Variants in DEPTOR observed in about 807,000 individuals in gnomAD.
The protein encoded by DEPTOR is DEP domain containing MTOR interacting protein, also known as DEP domain-containing mTOR-interacting protein.
DEPTOR carries 41 observed loss-of-function variants against 41.6 expected under a neutral mutation model. The ratio of observed to expected loss-of-function variants is 0.98; its 90% confidence interval spans 0.77 to 1.28. The LOEUF (loss-of-function observed/expected upper bound fraction) is 1.28. Ranked by LOEUF, DEPTOR falls within the 50% of genes most tolerant of loss-of-function variation. DEPTOR has a pLI of 0.00. For missense variants in DEPTOR, 514 were observed against 527.9 expected (o/e 0.97, Z 0.26); for synonymous variants, 195 against 192.3 (o/e 1.01, Z -0.12).
intron 1 of DEPTOR, among the ~76,000 whole-genome samples, chr8:119,898,553 G>C (rs998327695): frequency 6.6e-6 from 1 of 151,756 alleles, no homozygotes; most frequent in Non-Finnish European, 1.5e-5. Context: ...ATGAGACCCC[G>C]CTTCTCCCAA....
chr8:119,978,787 T>C lies in DEPTOR; in HGVS notation c.604+13377T>C, dbSNP rs1174268994. Among the ~76,000 whole-genome samples the C allele has an allele frequency of 2.0e-5, 3 of 152,204 alleles. No homozygotes were observed. In the East Asian group the frequency reaches 5.8e-4, roughly 29 times the overall value. On this transcript the variant is annotated intron_variant, in intron 4 of 8. Transcript: ENST00000286234. Reference sequence around the variant, plus strand: ...CTGCTGTCACTCATGATTCTTCCTCTAAAAGTTTTTCCACTAGCTGCTTCT... The same window carrying C: ...CTGCTGTCACTCATGATTCTTCCTCCAAAAGTTTTTCCACTAGCTGCTTCT...
At chr8:119,963,860 A>G (rs1424117777) in intron 3 of DEPTOR, among the ~76,000 whole-genome samples, 1 of 152,218 alleles carries the variant, frequency 6.6e-6, no homozygotes, top group Non-Finnish European at 1.5e-5. Context: ...AGAGTCACCT[A>G]TGTAGTCGTC....
At chr8:119,927,771 G>T (rs1180892815) in intron 1 of DEPTOR, among the ~76,000 whole-genome samples, 1 of 151,524 alleles carries the variant, frequency 6.6e-6, no homozygotes. Flanking sequence ...ACCACACCTG[G>T]CTAATTTTTG....
chr8:119,951,860 T>C (rs77625220), intron 3 of DEPTOR, among the ~76,000 whole-genome samples: 9,046 of 152,082 alleles, frequency 0.059, 421 homozygotes, highest in African/African-American at 0.13. Context: ...AAATTCAAGC[T>C]GAGTGTGGTG....
At chr8:120,021,835 T>A (rs998504362) in intron 8 of DEPTOR, among the ~76,000 whole-genome samples, 10 of 152,130 alleles carry the variant, frequency 6.6e-5, no homozygotes, top group Non-Finnish European at 1.5e-4. Flanking sequence ...TCTACTATAT[T>A]TCATCAAATA....
chr8:119,991,076 TTCTTTCTTTCTTTTTCTTTCTTTC>T (rs1472250662), intron 4 of DEPTOR, among the ~76,000 whole-genome samples: 9 of 75,602 alleles, frequency 1.2e-4, no homozygotes, highest in African/African-American at 4.3e-4. Context: ...CTTTCTTTCT[TTCTTTCTTTCTTTTTCTTTCTTTC>T]TTTCTTTCTT....
Position 120,049,822 on chromosome 8 carries a change from C to A in DEPTOR, c.*118C>A. 1 of 1,309,916 alleles carries A rather than the reference C, an allele frequency of 7.6e-7. No individual in the cohort carries two copies. The highest frequency in any genetic ancestry group is 1.0e-6 in the Non-Finnish European group (1 of 961,184). 81.1% of individuals were successfully genotyped at this position (1,309,916 alleles called of 1,614,324 possible). ...ATGGTTTTGGACATACGAGTCTTCT[C>A]CGCACATACATGTCTAAAGTTGAGT... On this transcript the variant is annotated 3_prime_UTR_variant, in exon 9 of 9. Transcript: ENST00000286234.
chr8:119,900,404 T>TG (rs1827575526), intron 1 of DEPTOR, among the ~76,000 whole-genome samples: 2 of 134,658 alleles, frequency 1.5e-5, no homozygotes, highest in South Asian at 4.8e-4. Context: ...TTTTTTTTTT[T>TG]GGGAGACAGG....
At chr8:120,016,032 G>A (rs2130122516) in intron 8 of DEPTOR, among the ~76,000 whole-genome samples, 1 of 152,238 alleles carries the variant, frequency 6.6e-6, no homozygotes, top group African/African-American at 2.4e-5. Context: ...GCATATTAAA[G>A]GTTGCTGGCC....
At chr8:119,975,583 G>A (rs1411008431) in intron 4 of DEPTOR, among the ~76,000 whole-genome samples, 1 of 152,088 alleles carries the variant, frequency 6.6e-6, no homozygotes, top group Non-Finnish European at 1.5e-5. Flanking sequence ...AGAAATCAAA[G>A]GTGGAGATAA....
At chr8:120,017,825 A>C (rs1378227800) in intron 8 of DEPTOR, among the ~76,000 whole-genome samples, 1 of 152,148 alleles carries the variant, frequency 6.6e-6, no homozygotes. Flanking sequence ...TCAAGTTTTC[A>C]TGCTACCCTG....
intron 1 of DEPTOR, among the ~76,000 whole-genome samples, chr8:119,915,757 G>A (rs1317650335): frequency 6.6e-6 from 1 of 152,110 alleles, no homozygotes; most frequent in Non-Finnish European, 1.5e-5. Flanking sequence ...TACCATAGAA[G>A]AGATGAGGTT....
chr8:120,022,199 C>A, intron 8 of DEPTOR, among the ~76,000 whole-genome samples: 1 of 141,636 alleles, frequency 7.1e-6, no homozygotes, highest in East Asian at 2.0e-4. Flanking sequence ...TTGTAAGATA[C>A]GCTTTGATTT....
chr8:119,944,843 A>G (rs1160640822), intron 3 of DEPTOR, among the ~76,000 whole-genome samples: 2 of 151,970 alleles, frequency 1.3e-5, no homozygotes, highest in Admixed American at 1.3e-4. Context: ...TTTAGTAGAG[A>G]CAGGGTTTAA....
chr8:120,021,838 A>G (rs747913964), intron 8 of DEPTOR, among the ~76,000 whole-genome samples: 1 of 152,198 alleles, frequency 6.6e-6, no homozygotes, highest in Non-Finnish European at 1.5e-5. Flanking sequence ...ACTATATTTC[A>G]TCAAATACAA....
Position 119,928,512 on chromosome 8 carries a change from G to T in DEPTOR, c.235G>T (p.Ala79Ser). Residue 79 changes from alanine to serine, a missense_variant, in exon 2 of 9, where the codon GCT becomes TCT. Physicochemically the swap from Ala to Ser is moderately conservative, Grantham distance 99. Transcript: ENST00000286234. ...TGACTGGCTGATTGAACACAAAGAG[G>T]CTTCTGACAGAGAGACGGCAATTAA... ...LIDWLIEHKE[A>S]SDRETAIKLM... 6.2e-7 allele frequency: 1 copy of T among 1,614,174 alleles called. No homozygotes were observed. The highest frequency in any genetic ancestry group is 8.5e-7 in the Non-Finnish European group (1 of 1,180,022).
At chr8:119,993,768 A>ATT (rs554849570) in intron 4 of DEPTOR, among the ~76,000 whole-genome samples, 1 of 147,104 alleles carries the variant, frequency 6.8e-6, no homozygotes, top group African/African-American at 2.5e-5. Flanking sequence ...CATATCATGG[A>ATT]TTTTTTTTTT....
intron 1 of DEPTOR, among the ~76,000 whole-genome samples, chr8:119,926,510 T>C (rs1434561006): frequency 6.6e-6 from 1 of 152,226 alleles, no homozygotes; most frequent in Non-Finnish European, 1.5e-5. Context: ...AATAAATTGT[T>C]TTTTTAAAGT....
At chr8:119,997,778 A>C in intron 4 of DEPTOR, among the ~76,000 whole-genome samples, 1 of 152,138 alleles carries the variant, frequency 6.6e-6, no homozygotes, top group Non-Finnish European at 1.5e-5. Context: ...TATAGTTACA[A>C]CCCTAGATTG....
Sources: gnomAD v4.1 joint callset for allele counts (sites outside exome capture counted in the v4.1 genomes callset) on GRCh38, gnomAD v4.1.1 for gene constraint, MANE v1.5 for transcripts, NCBI Gene and HGNC (gene_info 2026-07-23, HGNC 2026-07-21) for gene names.